NEGR1: variants seen among roughly 807,000 people sequenced by gnomAD.
NEGR1 encodes the protein IgLON family member 4.
A neutral mutation model predicts 40.9 loss-of-function variants in NEGR1; 10 were observed. The observed-to-expected ratio is 0.24, with a 90% confidence interval of 0.15 to 0.42. NEGR1 has a LOEUF of 0.42. NEGR1 is among the 10% of genes least tolerant of loss of function. The pLI, the probability that NEGR1 is intolerant of heterozygous loss-of-function variation, is 1.00. For missense variants in NEGR1, 352 were observed against 438.9 expected (o/e 0.80, Z 1.77); for synonymous variants, 185 against 166.8 (o/e 1.11, Z -0.84).
At chr1:71,766,005 C>T (rs1318342063) in intron 3 of NEGR1, among the ~76,000 whole-genome samples, 2 of 152,076 alleles carry the variant, frequency 1.3e-5, no homozygotes, top group South Asian at 2.1e-4. Context: ...GAAACCCCGT[C>T]TCCACTAAAA....
intron 2 of NEGR1, among the ~76,000 whole-genome samples, chr1:71,836,477 T>C (rs777741399): frequency 1.0e-5 from 1 of 98,158 alleles, no homozygotes; most frequent in Admixed American, 1.3e-4. Flanking sequence ...AAAATATATA[T>C]GTGTATATAT....
intron 1 of NEGR1, among the ~76,000 whole-genome samples, chr1:71,996,327 G>A (rs1320997199): frequency 6.6e-6 from 1 of 152,068 alleles, no homozygotes; most frequent in Admixed American, 6.6e-5. Flanking sequence ...TTTTCATTGA[G>A]ACAAGTTAGG....
chr1:71,673,169 G>A (rs958440132), intron 4 of NEGR1, among the ~76,000 whole-genome samples: 1 of 152,046 alleles, frequency 6.6e-6, no homozygotes, highest in African/African-American at 2.4e-5. Context: ...AATCCAGGAG[G>A]CAGAGCTTGC....
intron 1 of NEGR1, among the ~76,000 whole-genome samples, chr1:72,075,817 C>A (rs1230713183): frequency 3.3e-5 from 5 of 152,130 alleles, no homozygotes; most frequent in Admixed American, 6.6e-5. Flanking sequence ...GCCCTGTGAA[C>A]AAGAGCATCA....
chr1:71,404,833 C>A lies in NEGR1; in HGVS notation c.*2613G>T, dbSNP rs975232199. 6 of 152,172 alleles carry A rather than the reference C, an allele frequency of 3.9e-5. No homozygotes were observed. In the Admixed American group the frequency reaches 3.9e-4, roughly 10 times the overall value. The allele number at this position is 152,172 out of a possible 1,614,324, so 9.4% of individuals were successfully genotyped here. ...ATTCTGAAATTGCAACAATCTTGTA[C>A]AGTCAGGACTGATAAAATGGGGTAA... On this transcript the variant is annotated 3_prime_UTR_variant, in exon 7 of 7. Transcript: ENST00000357731.
intron 1 of NEGR1, among the ~76,000 whole-genome samples, chr1:72,205,756 C>CAAAAAAAAAA (rs35490878): frequency 5.5e-4 from 17 of 30,886 alleles, no homozygotes; most frequent in Non-Finnish European, 8.8e-4. Flanking sequence ...CCCATTTCTA[C>CAAAAAAAAAA]AAAAAAAAAA....
chr1:71,774,714 T>C (rs1656443088), intron 3 of NEGR1, among the ~76,000 whole-genome samples: 1 of 152,112 alleles, frequency 6.6e-6, no homozygotes, highest in Admixed American at 6.5e-5. Flanking sequence ...CAAAATCAAA[T>C]TTCATTCATC....
intron 3 of NEGR1, among the ~76,000 whole-genome samples, chr1:71,746,395 T>C (rs1366416697): frequency 6.6e-6 from 1 of 152,190 alleles, no homozygotes; most frequent in African/African-American, 2.4e-5. Context: ...CAAACTTAGA[T>C]AGGTGTTTCA....
chr1:71,823,951 C>A (rs1011258605), intron 2 of NEGR1, among the ~76,000 whole-genome samples: 3 of 151,910 alleles, frequency 2.0e-5, no homozygotes, highest in African/African-American at 7.2e-5. Flanking sequence ...CATAACTGTG[C>A]GTCTGACTGA....
chr1:71,778,617 T>G (rs138151378), intron 2 of NEGR1, among the ~76,000 whole-genome samples: 1 of 152,336 alleles, frequency 6.6e-6, no homozygotes, highest in African/African-American at 2.4e-5. Flanking sequence ...TAGTGCTTTT[T>G]TCCTTTATAT....
At chr1:71,512,889 G>T (rs752020739) in intron 6 of NEGR1, among the ~76,000 whole-genome samples, 1 of 152,064 alleles carries the variant, frequency 6.6e-6, no homozygotes, top group Non-Finnish European at 1.5e-5. Flanking sequence ...CATACTATCC[G>T]AATTTTTAAA....
intron 3 of NEGR1, among the ~76,000 whole-genome samples, chr1:71,730,877 C>CGTGTGTGTGTGT (rs59873481): frequency 7.7e-6 from 1 of 130,004 alleles, no homozygotes; most frequent in East Asian, 2.3e-4. Context: ...GTGAAGCATT[C>CGTGTGTGTGTGT]GTGTGTGTGT....
intron 4 of NEGR1, among the ~76,000 whole-genome samples, chr1:71,674,420 C>T (rs1652539789): frequency 6.6e-6 from 1 of 152,182 alleles, no homozygotes; most frequent in Non-Finnish European, 1.5e-5. Context: ...ATTCACTAGA[C>T]ATTACAGCTT....
intron 1 of NEGR1, among the ~76,000 whole-genome samples, chr1:72,170,528 T>C (rs1651924179): frequency 6.6e-6 from 1 of 152,158 alleles, no homozygotes; most frequent in Non-Finnish European, 1.5e-5. Flanking sequence ...GTAAGCTTTA[T>C]CATTCTTGAA....
chr1:71,843,611 G>A (rs1659313831), intron 2 of NEGR1, among the ~76,000 whole-genome samples: 1 of 152,066 alleles, frequency 6.6e-6, no homozygotes, highest in Non-Finnish European at 1.5e-5. Flanking sequence ...TGTTATCACA[G>A]GAGACAGTTG....
intron 1 of NEGR1, among the ~76,000 whole-genome samples, chr1:72,231,961 T>A (rs1055162924): frequency 3.9e-5 from 6 of 152,154 alleles, no homozygotes; most frequent in African/African-American, 1.4e-4. Context: ...CATATTGGTT[T>A]ACAAATTGCC....
At chr1:71,778,942 C>G (rs1434306058) in intron 2 of NEGR1, among the ~76,000 whole-genome samples, 1 of 152,044 alleles carries the variant, frequency 6.6e-6, no homozygotes, top group Non-Finnish European at 1.5e-5. Flanking sequence ...TGACATTTAC[C>G]TATAGGAGAT....
intron 3 of NEGR1, among the ~76,000 whole-genome samples, chr1:71,722,408 A>G (rs963104930): frequency 1.8e-4 from 28 of 152,092 alleles, no homozygotes; most frequent in African/African-American, 6.8e-4. Flanking sequence ...ACATAGCATT[A>G]AAGGATTGAA....
At chr1:71,860,448 A>AT (rs149921211) in intron 2 of NEGR1, among the ~76,000 whole-genome samples, 13,618 of 152,018 alleles carry the variant, frequency 0.09, 726 homozygotes, top group Non-Finnish European at 0.13. Flanking sequence ...GTGGGAGGTC[A>AT]TTTTTAGACC....
Sources: gnomAD v4.1 joint callset for allele counts (sites outside exome capture counted in the v4.1 genomes callset) on GRCh38, gnomAD v4.1.1 for gene constraint, MANE v1.5 for transcripts, NCBI Gene and HGNC (gene_info 2026-07-23, HGNC 2026-07-21) for gene names.